The following PKNOX1 variants were observed in gnomAD, a reference collection of about 807,000 sequenced individuals.
The protein encoded by PKNOX1 is homeobox protein PKNOX1.
Under a neutral mutation model 51.9 loss-of-function variants are expected in PKNOX1, and 15 were observed. That is an observed-to-expected ratio of 0.29 (90% CI 0.19 to 0.45). PKNOX1 has a LOEUF of 0.45. Among genes scored for constraint, PKNOX1 ranks in the 20% least tolerant of loss-of-function variants. PKNOX1 has a pLI of 1.00. For missense variants in PKNOX1, 462 were observed against 547.5 expected (o/e 0.84, Z 1.56); for synonymous variants, 219 against 211.1 (o/e 1.04, Z -0.32).
At chr21:42,981,015 G>A (rs13047542) in intron 1 of PKNOX1, among the ~76,000 whole-genome samples, 5,790 of 152,288 alleles carry the variant, frequency 0.038, 138 homozygotes, top group Middle Eastern at 0.061. Flanking sequence ...AAATAAAAAC[G>A]GCACAGATAG....
rs560151271 is a variant in PKNOX1, at chr21:43,001,698, T to C, written c.-56-2628T>C. On this transcript the variant is annotated intron_variant, in intron 1 of 10. Transcript: ENST00000291547. ...AAAGTTGGCCGGGCTCAGTGGCTCA[T>C]GGCTATAATCCCAGCACTTTGGGAG... 1.4e-4 allele frequency among the ~76,000 whole-genome samples: 21 copies of C among 152,238 alleles called. 1 individual carries two copies. The South Asian group carries it at 4.1e-3, about 30-fold the overall frequency.
Position 43,021,326 on chromosome 21 carries a change from T to C in PKNOX1, c.744T>C (p.Asp248=). 6.2e-7 allele frequency: 1 copy of C among 1,610,354 alleles called. No individual in the cohort carries two copies. The highest frequency in any genetic ancestry group is 8.5e-7 in the Non-Finnish European group (1 of 1,177,748). Residue 248 remains aspartate, a synonymous_variant, in exon 8 of 11, where the codon GAT becomes GAC. Transcript: ENST00000291547. This position sits in a 1 kb window ranked among gnomAD's most constrained non-coding sequence, Gnocchi z 4.6. The stretch of plus-strand genomic sequence containing the variant: ...AGCTTCAGTTACAGTTAAACCAAGA[T>C]CTCAGCATCTTGCATCAAGATGATG... ...NSQLQLQLNQ[D]LSILHQDDGS...
chr21:43,026,578 G>A (rs1168913823), intron 9 of PKNOX1, among the ~76,000 whole-genome samples: 1 of 152,120 alleles, frequency 6.6e-6, no homozygotes, highest in African/African-American at 2.4e-5. Context: ...CCAACATGGT[G>A]AAATCCTGTC....
chr21:42,985,769 C>T (rs576878424), intron 1 of PKNOX1, among the ~76,000 whole-genome samples: 7 of 150,464 alleles, frequency 4.7e-5, no homozygotes, highest in South Asian at 4.4e-4. Flanking sequence ...GAGGCTGAGG[C>T]GGGTGGATGA....
At chr21:43,016,880 C>G in intron 5 of PKNOX1, 28 bp from the exon 6 acceptor site, 2 of 1,441,814 alleles carry the variant, frequency 1.4e-6, no homozygotes, top group East Asian at 2.3e-5. Flanking sequence ...TCTAGTAATT[C>G]CTTCAACATG....
chr21:43,018,872 G>A (rs1979629813), intron 7 of PKNOX1, among the ~76,000 whole-genome samples: 1 of 152,016 alleles, frequency 6.6e-6, no homozygotes, highest in Non-Finnish European at 1.5e-5. Flanking sequence ...GACAGATCAC[G>A]AGGTCAGGAG....
intron 1 of PKNOX1, among the ~76,000 whole-genome samples, chr21:42,989,008 G>A (rs1299548200): frequency 1.3e-5 from 2 of 151,896 alleles, no homozygotes; most frequent in Non-Finnish European, 2.9e-5. Flanking sequence ...GGACCCTGCG[G>A]GCTGGATGAG....
intron 4 of PKNOX1, among the ~76,000 whole-genome samples, chr21:43,011,224 C>T (rs930702686): frequency 5.3e-5 from 8 of 151,970 alleles, no homozygotes; most frequent in African/African-American, 9.7e-5. Context: ...CCCGCCACCA[C>T]GCCCGGCTAA....
chr21:43,028,930 C>A (rs1980104560), intron 10 of PKNOX1, 56 bp downstream of exon 10: 1 of 1,557,876 alleles, frequency 6.4e-7, no homozygotes, highest in Admixed American at 1.7e-5. Flanking sequence ...GGATTATGAA[C>A]AAGAGGCCTG....
chr21:42,975,597 T>C (rs1181756860), intron 1 of PKNOX1, among the ~76,000 whole-genome samples: 1 of 152,220 alleles, frequency 6.6e-6, no homozygotes, highest in Non-Finnish European at 1.5e-5. Context: ...CGAAATGCCT[T>C]ATTTGGACAG....
chr21:42,975,986 C>G (rs1422212061), intron 1 of PKNOX1, among the ~76,000 whole-genome samples: 1 of 152,202 alleles, frequency 6.6e-6, no homozygotes, highest in Non-Finnish European at 1.5e-5. Context: ...TGGTGATGCT[C>G]TTGCATTTAG....
intron 9 of PKNOX1, among the ~76,000 whole-genome samples, chr21:43,028,449 CAAAAA>C: frequency 6.7e-6 from 1 of 149,916 alleles, no homozygotes; most frequent in South Asian, 2.1e-4. Flanking sequence ...GGAGTTGAGA[CAAAAA>C]AAAAAATGCC....
At chr21:43,024,624 G>A (rs564152591) in intron 8 of PKNOX1, 14 of 465,678 alleles carry the variant, frequency 3.0e-5, no homozygotes, top group African/African-American at 1.4e-4. Flanking sequence ...TATCGTCACC[G>A]CTGAACCGTT....
intron 1 of PKNOX1, among the ~76,000 whole-genome samples, chr21:42,975,414 G>A (rs2058990058): frequency 6.6e-6 from 1 of 152,140 alleles, no homozygotes; most frequent in Non-Finnish European, 1.5e-5. Flanking sequence ...CGGCGTCCCG[G>A]GAATTGGTGG....
At chr21:43,003,811 A>C (rs999477904) in intron 1 of PKNOX1, 4 of 152,546 alleles carry the variant, frequency 2.6e-5, no homozygotes, top group African/African-American at 9.6e-5. Context: ...ATGTAATAGC[A>C]AGTCAGGGCC....
chr21:43,004,275 A>G lies in PKNOX1; in HGVS notation c.-56-51A>G, dbSNP rs892052238. The G allele has an allele frequency of 5.1e-6, 4 of 779,212 alleles. No individual in the cohort carries two copies. The African/African-American group carries it at 7.0e-5, about 14-fold the overall frequency. 48.3% of individuals were successfully genotyped at this position (779,212 alleles called of 1,614,324 possible). ...TTTGATGTTATGGAATGAGGGAGAC[A>G]AAAAATGCTCTACAACTATTAACTG... On this transcript the variant is annotated intron_variant, in intron 1 of 10. Transcript: ENST00000291547.
chr21:43,029,624 G>T (rs1344439598), intron 10 of PKNOX1, among the ~76,000 whole-genome samples: 1 of 151,244 alleles, frequency 6.6e-6, no homozygotes, highest in African/African-American at 2.4e-5. Context: ...GTAGAGACGG[G>T]GTTTCACCGT....
chr21:42,987,060 CAG>C (rs1172456217), intron 1 of PKNOX1, among the ~76,000 whole-genome samples: 1 of 151,926 alleles, frequency 6.6e-6, no homozygotes, highest in Non-Finnish European at 1.5e-5. Flanking sequence ...TAAACTGAGT[CAG>C]AGAGCACATT....
intron 1 of PKNOX1, among the ~76,000 whole-genome samples, chr21:42,984,794 C>T (rs1221030684): frequency 2.0e-5 from 3 of 151,854 alleles, no homozygotes; most frequent in Admixed American, 2.0e-4. Context: ...AGCTGGAGTC[C>T]CTCTGACCCA....
Sources: allele counts gnomAD v4.1 joint callset (sites outside exome capture counted in the v4.1 genomes callset), GRCh38; gene constraint gnomAD v4.1.1; non-coding constraint Gnocchi (gnomAD v3.1); transcripts MANE v1.5; gene names NCBI Gene and HGNC (gene_info 2026-07-23, HGNC 2026-07-21).